Variants in JAK1 observed in about 807,000 individuals in gnomAD.
JAK1 encodes the protein Janus kinase 1.
A neutral mutation model predicts 136.6 loss-of-function variants in JAK1; 16 were observed. The ratio of observed to expected loss-of-function variants is 0.12; its 90% CI spans 0.08 to 0.18. The LOEUF (loss-of-function observed/expected upper bound fraction) is 0.18. Among genes scored for constraint, JAK1 ranks in the 10% least tolerant of loss-of-function variants. The pLI is 1.00. For missense variants in JAK1, 859 were observed against 1,450.1 expected, an observed-to-expected ratio of 0.59 and a Z score of 6.62; for synonymous variants, 492 against 519.5, an observed-to-expected ratio of 0.95 and a Z score of 0.72.
chr1:64,947,357 A>C (rs1387299984), intron 1 of JAK1, among the ~76,000 whole-genome samples: 2 of 152,186 alleles, frequency 1.3e-5, no homozygotes, highest in African/African-American at 4.8e-5. Flanking sequence ...ACCCCCATCC[A>C]TGCCTGCACT....
intron 1 of JAK1, among the ~76,000 whole-genome samples, chr1:64,888,422 C>T (rs947565593): frequency 5.5e-4 from 84 of 152,198 alleles, no homozygotes; most frequent in Non-Finnish European, 1.1e-3. Context: ...CCTCGTGATC[C>T]GCCCGCCTCA....
chr1:64,944,322 T>A (rs1040961020), intron 1 of JAK1, among the ~76,000 whole-genome samples: 24 of 152,238 alleles, frequency 1.6e-4, no homozygotes, highest in South Asian at 4.2e-4. Flanking sequence ...TGGAAATTTT[T>A]AAAAAATTAT....
intron 1 of JAK1, among the ~76,000 whole-genome samples, chr1:64,950,596 C>T (rs1646068422): frequency 6.6e-6 from 1 of 152,138 alleles, no homozygotes; most frequent in African/African-American, 2.4e-5. Flanking sequence ...GACTGAGCAC[C>T]TAGAACATCT....
At chr1:64,920,350 G>A (rs1645472982) in intron 1 of JAK1, among the ~76,000 whole-genome samples, 1 of 152,054 alleles carries the variant, frequency 6.6e-6, no homozygotes, top group Non-Finnish European at 1.5e-5. Flanking sequence ...GACCAGCCTG[G>A]GCAACATGGC....
At chr1:65,025,525 G>A (rs1646970738) in intron 2 of JAK1, among the ~76,000 whole-genome samples, 1 of 152,060 alleles carries the variant, frequency 6.6e-6, no homozygotes, top group Non-Finnish European at 1.5e-5. Context: ...TATGGATAAA[G>A]GCAAGAGAAT....
In JAK1 at chr1:64,910,655, G is replaced by A. The variant is rs201200015; in HGVS notation, c.-77-24314C>T. 4.6e-5 allele frequency among the ~76,000 whole-genome samples: 7 copies of A among 152,070 alleles called. No individual in the cohort carries two copies. The East Asian group carries it at 5.8e-4, about 13-fold the overall frequency. ...TCGTGACCAGCCTGGCCAACATGGC[G>A]AAACCTTGTCTCTACTGAAAATACA... On this transcript the variant is annotated intron_variant, in intron 1 of 24. Transcript: ENST00000342505.
chr1:64,994,417 G>T (rs1252985919), intron 2 of JAK1, among the ~76,000 whole-genome samples: 1 of 152,192 alleles, frequency 6.6e-6, no homozygotes, highest in Non-Finnish European at 1.5e-5. Flanking sequence ...CCTGAGACTG[G>T]ATAATTTACA....
intron 2 of JAK1, chr1:64,989,695 A>T (rs1646637376): frequency 6.6e-6 from 1 of 152,220 alleles, no homozygotes; most frequent in African/African-American, 2.4e-5. Flanking sequence ...CAGTTGAGAC[A>T]TGCAATAAAC....
intron 12 of JAK1, chr1:64,847,938 C>G: frequency 2.1e-6 from 1 of 465,416 alleles, no homozygotes; most frequent in Admixed American, 3.5e-5. Flanking sequence ...TAGGAACAGC[C>G]TTTGGCCAAA....
intron 1 of JAK1, among the ~76,000 whole-genome samples, chr1:64,913,714 AGGGAGGG>A: frequency 6.1e-5 from 1 of 16,450 alleles, no homozygotes. Flanking sequence ...GAAGGGAGGG[AGGGAGGG>A]AGGGAGGGAG....
At chr1:64,853,230 A>T (rs1655712546) in intron 11 of JAK1, among the ~76,000 whole-genome samples, 1 of 152,130 alleles carries the variant, frequency 6.6e-6, no homozygotes. Context: ...GCTTTGGGGG[A>T]CCTATGTAAG....
chr1:64,857,786 G>A lies in JAK1; in HGVS notation c.1335-7C>T, dbSNP rs201443299. ...ATTGATGGCGTATTCTGTACTAGAG[G>A]GAGAAGTAGGCAAAGGGAGAAAGAG... On this transcript the variant is annotated splice_region_variant and splice_polypyrimidine_tract_variant and intron_variant, in intron 9 of 24. Coordinates refer to ENST00000342505, the MANE Select transcript of JAK1 (RefSeq NM_002227.4). 3 of 1,613,996 alleles carry A rather than the reference G, an allele frequency of 1.9e-6. No individual in the cohort carries two copies. Among genetic ancestry groups the A allele is most frequent in the East Asian group, 2.2e-5 (1 of 44,874 alleles).
chr1:64,855,621 C>T lies in JAK1; in HGVS notation c.1536G>A (p.Ser512=), dbSNP rs781294228. The change falls in exon 11 of 25, where the codon TCG becomes TCA. Residue 512 remains serine, a synonymous_variant. Coordinates refer to ENST00000342505, the MANE Select transcript of JAK1 (RefSeq NM_002227.4). ...VQKGRYSLHG[S]DRSFPSLGDL... is the part of the protein sequence containing the mutation. Reference sequence around the variant, plus strand: ...CTCCCAAGCTGGGGAAGCTGCGGTCCGAACCGTGCAGACTGTAGCGGCCCT... The same window carrying T: ...CTCCCAAGCTGGGGAAGCTGCGGTCTGAACCGTGCAGACTGTAGCGGCCCT... The T allele has an allele frequency of 1.2e-5, 20 of 1,613,970 alleles. No homozygotes were observed. The highest frequency in any genetic ancestry group is 2.7e-5 in the African/African-American group (2 of 74,872).
At chr1:64,860,861 TTGGGGGTGACGCGG>T (rs1366638373) in intron 8 of JAK1, among the ~76,000 whole-genome samples, 2 of 132,244 alleles carry the variant, frequency 1.5e-5, no homozygotes, top group Non-Finnish European at 3.2e-5. Context: ...TGTGTGTGTG[TTGGGGGTGACGCGG>T]TGGGGGAGGC....
intron 1 of JAK1, among the ~76,000 whole-genome samples, chr1:65,049,351 G>A (rs1223509155): frequency 2.0e-5 from 3 of 152,170 alleles, no homozygotes; most frequent in African/African-American, 7.2e-5. Flanking sequence ...GAGCCCAGAA[G>A]TTTGAGGCTG....
chr1:64,972,698 A>G (rs1646462437), intron 2 of JAK1: 1 of 152,318 alleles, frequency 6.6e-6, no homozygotes, highest in African/African-American at 2.4e-5. Flanking sequence ...CTGAGGTGGG[A>G]GGATCGCTTG....
At chr1:64,960,709 CT>C (rs1646268257) in intron 1 of JAK1, among the ~76,000 whole-genome samples, 1 of 152,214 alleles carries the variant, frequency 6.6e-6, no homozygotes, top group South Asian at 2.1e-4. Flanking sequence ...TTGAATTTGT[CT>C]ACAGAAATTC....
At chr1:64,853,796 C>T (rs970409803) in intron 11 of JAK1, among the ~76,000 whole-genome samples, 1 of 152,128 alleles carries the variant, frequency 6.6e-6, no homozygotes, top group Non-Finnish European at 1.5e-5. Context: ...GCATTATTCA[C>T]GCTGACTCCG....
chr1:64,973,754 A>T (rs750166558), intron 2 of JAK1: 4 of 152,104 alleles, frequency 2.6e-5, no homozygotes, highest in Non-Finnish European at 5.9e-5. Flanking sequence ...ATCAGCTTCC[A>T]TCTAAGGTGG....
Sources: gnomAD v4.1 joint callset for allele counts (sites outside exome capture counted in the v4.1 genomes callset) on GRCh38, gnomAD v4.1.1 for gene constraint, MANE v1.5 for transcripts, NCBI Gene and HGNC (gene_info 2026-07-23, HGNC 2026-07-21) for gene names.